Variants in ZFAND3 observed in about 807,000 individuals in gnomAD.
ZFAND3 encodes the protein AN1-type zinc finger protein 3.
In ZFAND3, 10 loss-of-function variants were observed where a neutral mutation model predicts 29.6. The observed-to-expected ratio is 0.34, with a 90% CI of 0.21 to 0.57. The LOEUF is 0.57. ZFAND3 is among the 20% of genes least tolerant of loss of function. The probability of loss-of-function intolerance (pLI) is 0.86; values close to 1 mark genes in which losing one functional copy is unlikely to be tolerated. For synonymous variants in ZFAND3, 128 were observed against 112.6 expected (o/e 1.14, Z -0.87); for missense variants, 230 against 304.5 (o/e 0.76, Z 1.82).
chr6:37,930,876 T>G (rs1376361710), intron 2 of ZFAND3, among the ~76,000 whole-genome samples: 1 of 152,202 alleles, frequency 6.6e-6, no homozygotes, highest in Non-Finnish European at 1.5e-5. Context: ...AGGACAGGTT[T>G]TAGTCAGTAA....
chr6:38,125,628 A>G (rs1221579460), intron 5 of ZFAND3, among the ~76,000 whole-genome samples: 1 of 152,214 alleles, frequency 6.6e-6, no homozygotes, highest in Admixed American at 6.5e-5. Flanking sequence ...AGCTACTTGT[A>G]TAGTCTAATA....
At chr6:37,874,283 A>G (rs1044690688) in intron 1 of ZFAND3, among the ~76,000 whole-genome samples, 1 of 152,174 alleles carries the variant, frequency 6.6e-6, no homozygotes, top group Non-Finnish European at 1.5e-5. Context: ...TGGGAGGCCA[A>G]AGCAGGCGGA....
chr6:37,912,238 G>A (rs1322638503), intron 1 of ZFAND3, among the ~76,000 whole-genome samples: 3 of 151,984 alleles, frequency 2.0e-5, no homozygotes, highest in Admixed American at 6.6e-5. Context: ...TCTGTCAGTC[G>A]GATCCTGATC....
At chr6:37,952,842 C>T (rs1429635815) in intron 2 of ZFAND3, among the ~76,000 whole-genome samples, 1 of 151,712 alleles carries the variant, frequency 6.6e-6, no homozygotes, top group African/African-American at 2.4e-5. Context: ...TGTCCTCCCT[C>T]TTTCCACTCT....
intron 2 of ZFAND3, among the ~76,000 whole-genome samples, 179 bp downstream of exon 2, chr6:37,930,178 C>T (rs191736503): frequency 3.9e-5 from 6 of 151,928 alleles, no homozygotes; most frequent in Admixed American, 6.6e-5. Flanking sequence ...TTGCCTAGGA[C>T]GGTTGAAACA....
At chr6:37,864,723 T>C (rs932519973) in intron 1 of ZFAND3, among the ~76,000 whole-genome samples, 1 of 145,458 alleles carries the variant, frequency 6.9e-6, no homozygotes, top group African/African-American at 2.6e-5. Flanking sequence ...TTATGTATGT[T>C]TATATATGTG....
chr6:38,087,942 T>G (rs549439052), intron 4 of ZFAND3, among the ~76,000 whole-genome samples: 2 of 152,354 alleles, frequency 1.3e-5, no homozygotes, highest in East Asian at 3.9e-4. Context: ...AAATGTTTCC[T>G]TGCTGTTAGG....
At chr6:37,941,919 G>C (rs1375490013) in intron 2 of ZFAND3, among the ~76,000 whole-genome samples, 1 of 152,188 alleles carries the variant, frequency 6.6e-6, no homozygotes, top group Non-Finnish European at 1.5e-5. Flanking sequence ...TGGAAACCTT[G>C]TATAGTTTAT....
chr6:38,047,187 C>G (rs868272795), intron 2 of ZFAND3, among the ~76,000 whole-genome samples: 2 of 151,788 alleles, frequency 1.3e-5, no homozygotes, highest in African/African-American at 4.8e-5. Context: ...TGGTGGCACA[C>G]ACTTGTAATC....
chr6:38,082,896 A>G (rs1233031951), intron 4 of ZFAND3, among the ~76,000 whole-genome samples: 2 of 152,162 alleles, frequency 1.3e-5, no homozygotes, highest in Non-Finnish European at 2.9e-5. Flanking sequence ...AGCCGTGGAT[A>G]TACTGAAATT....
At chr6:37,861,664 C>T (rs1479194546) in intron 1 of ZFAND3, among the ~76,000 whole-genome samples, 1 of 152,152 alleles carries the variant, frequency 6.6e-6, no homozygotes, top group Admixed American at 6.5e-5. Context: ...TCTAGGTTTT[C>T]ATCCTCCATA....
chr6:37,961,642 A>C (rs947867255), intron 2 of ZFAND3, among the ~76,000 whole-genome samples: 4 of 152,256 alleles, frequency 2.6e-5, no homozygotes, highest in African/African-American at 7.2e-5. Flanking sequence ...CCCATCTCTA[A>C]GTGGCTCAGA....
chr6:37,974,795 G>A (rs1273390001), intron 2 of ZFAND3, among the ~76,000 whole-genome samples: 2 of 152,126 alleles, frequency 1.3e-5, no homozygotes, highest in African/African-American at 2.4e-5. Context: ...CTTTTGCTAA[G>A]TAGTATTCCA....
intron 5 of ZFAND3, among the ~76,000 whole-genome samples, chr6:38,150,951 G>A (rs1208426853): frequency 6.6e-6 from 1 of 152,174 alleles, no homozygotes; most frequent in South Asian, 2.1e-4. Flanking sequence ...GAGGTGTGGT[G>A]AGATAATGCT....
rs77296715 is a variant in ZFAND3 at position 37,978,231 on chromosome 6, T to C, written c.112+48232T>C. ...CATGTTGTTTTTCTCCTTTAATTCA[T>C]TAATATAGTGAATTAATTACACTGG... On this transcript the variant is annotated intron_variant, in intron 2 of 5. Transcript: ENST00000287218. Among the ~76,000 whole-genome samples the C allele has an allele frequency of 3.3e-5, 5 of 152,322 alleles. No individual in the cohort carries two copies. The East Asian group carries it at 7.7e-4, about 23-fold the overall frequency.
At position 37,862,825 on chromosome 6, in the gene ZFAND3, C is replaced by A. The variant is rs569861137; in HGVS notation, c.71+42809C>A. On this transcript the variant is annotated intron_variant, in intron 1 of 5. Coordinates refer to ENST00000287218, the MANE Select transcript of ZFAND3 (RefSeq NM_021943.3). The stretch of plus-strand genomic sequence containing the variant: ...GTCAGTTCATTCCTCAATAACATAA[C>A]CCCTAACAAAATTTTGCTGGGAAAA... Among the ~76,000 whole-genome samples the A allele has an allele frequency of 1.7e-4, 26 of 151,886 alleles. No homozygotes were observed. In the East Asian group the frequency reaches 3.9e-3, roughly 23 times the overall value.
At chr6:37,847,368 G>A (rs765195731) in intron 1 of ZFAND3, among the ~76,000 whole-genome samples, 1 of 152,054 alleles carries the variant, frequency 6.6e-6, no homozygotes, top group East Asian at 1.9e-4. Flanking sequence ...GAGGTCAGGA[G>A]ATCGAGACCA....
chr6:38,037,036 T>C (rs554953403), intron 2 of ZFAND3, among the ~76,000 whole-genome samples: 1 of 152,352 alleles, frequency 6.6e-6, no homozygotes, highest in Admixed American at 6.5e-5. Flanking sequence ...ACACACCAAG[T>C]TGCTTCAGAG....
intron 1 of ZFAND3, among the ~76,000 whole-genome samples, chr6:37,884,392 G>C (rs1179711803): frequency 7.0e-6 from 1 of 142,194 alleles, no homozygotes; most frequent in Non-Finnish European, 1.5e-5. Context: ...TACTTGGGAG[G>C]CTGAGGCAGG....
Sources: allele counts gnomAD v4.1 joint callset (sites outside exome capture counted in the v4.1 genomes callset), GRCh38; gene constraint gnomAD v4.1.1; transcripts MANE v1.5; gene names NCBI Gene and HGNC (gene_info 2026-07-23, HGNC 2026-07-21).